PIK3AP1: variants seen among roughly 807,000 people sequenced by gnomAD.
PIK3AP1 encodes phosphoinositide-3-kinase adaptor protein 1.
PIK3AP1 carries 21 observed loss-of-function variants against 88.1 expected under a neutral mutation model. The ratio of observed to expected loss-of-function variants is 0.24; its 90% confidence interval spans 0.17 to 0.34. The LOEUF is 0.34. Among genes scored for constraint, PIK3AP1 ranks in the 10% least tolerant of loss-of-function variants. PIK3AP1 has a pLI of 1.00. For synonymous variants in PIK3AP1, 398 were observed against 400.0 expected (o/e 1.00, Z 0.06); for missense variants, 828 against 1,035.7 (o/e 0.80, Z 2.75).
At chr10:96,596,896 T>C (rs188508538) in intron 16 of PIK3AP1, among the ~76,000 whole-genome samples, 11 of 152,314 alleles carry the variant, frequency 7.2e-5, no homozygotes, top group East Asian at 5.8e-4. Flanking sequence ...TACTTGAGGA[T>C]TGATTGAATC....
Position 96,616,233 on chromosome 10 carries a change from C to T in PIK3AP1, c.2014+406G>A, listed in dbSNP as rs78713983. Among the ~76,000 whole-genome samples the T allele has an allele frequency of 1.4e-4, 21 of 152,266 alleles. No individual in the cohort carries two copies. The East Asian group carries it at 1.7e-3, about 13-fold the overall frequency. The stretch of plus-strand genomic sequence containing the variant: ...CACTGTATGGTGTGGATGCAGATGA[C>T]GCCATTGCTCACCAGAATCAGAAAT... On this transcript the variant is annotated intron_variant, in intron 13 of 16. Coordinates refer to ENST00000339364, the MANE Select transcript of PIK3AP1 (RefSeq NM_152309.3).
At chr10:96,687,100 C>A (rs995731186) in intron 2 of PIK3AP1, among the ~76,000 whole-genome samples, 2 of 151,446 alleles carry the variant, frequency 1.3e-5, no homozygotes, top group Non-Finnish European at 2.9e-5. Context: ...ACTAAAAATA[C>A]AAAAAATTAG....
At chr10:96,615,186 G>A (rs1849193474) in intron 13 of PIK3AP1, among the ~76,000 whole-genome samples, 1 of 152,140 alleles carries the variant, frequency 6.6e-6, no homozygotes, top group Admixed American at 6.5e-5. Flanking sequence ...AGGAGTCCAG[G>A]GACTGCAGCA....
intron 2 of PIK3AP1, among the ~76,000 whole-genome samples, chr10:96,673,590 C>T (rs995767682): frequency 6.6e-6 from 1 of 152,172 alleles, no homozygotes; most frequent in Non-Finnish European, 1.5e-5. Context: ...AATGGCACAA[C>T]GCAGGCTTGT....
At chr10:96,676,669 T>G (rs977202812) in intron 2 of PIK3AP1, among the ~76,000 whole-genome samples, 6 of 151,802 alleles carry the variant, frequency 4.0e-5, no homozygotes, top group Non-Finnish European at 8.8e-5. Flanking sequence ...TTTTTTTTTT[T>G]TTTGAAAGAA....
chr10:96,628,886 A>C (rs1843193096), intron 8 of PIK3AP1, among the ~76,000 whole-genome samples: 2 of 31,972 alleles, frequency 6.3e-5, no homozygotes, highest in African/African-American at 2.7e-4. Context: ...ATATATATAT[A>C]TACATATATA....
At chr10:96,660,057 C>G (rs1478844156) in intron 2 of PIK3AP1, among the ~76,000 whole-genome samples, 2 of 151,864 alleles carry the variant, frequency 1.3e-5, no homozygotes, top group Non-Finnish European at 2.9e-5. Context: ...CAATTGAATA[C>G]AAGAGATGGT....
chr10:96,628,883 T>TACAC (rs1564961177), intron 8 of PIK3AP1, among the ~76,000 whole-genome samples: 1,008 of 12,770 alleles, frequency 0.079, 77 homozygotes, highest in Middle Eastern at 0.21. Context: ...CACATATATA[T>TACAC]ATATACATAT....
chr10:96,633,565 A>G (rs1843274593), intron 8 of PIK3AP1, among the ~76,000 whole-genome samples: 1 of 152,204 alleles, frequency 6.6e-6, no homozygotes, highest in Non-Finnish European at 1.5e-5. Flanking sequence ...AGCTACTATT[A>G]TTACTATTAT....
At chr10:96,670,399 G>C (rs1843829256) in intron 2 of PIK3AP1, among the ~76,000 whole-genome samples, 1 of 152,048 alleles carries the variant, frequency 6.6e-6, no homozygotes, top group Non-Finnish European at 1.5e-5. Context: ...ATTTATCAAT[G>C]AATAATAAAT....
intron 8 of PIK3AP1, among the ~76,000 whole-genome samples, chr10:96,642,271 A>G (rs1843399287): frequency 6.6e-6 from 1 of 152,068 alleles, no homozygotes; most frequent in Non-Finnish European, 1.5e-5. Context: ...TGAAAAATAC[A>G]AAAAATTAAC....
chr10:96,676,907 C>G (rs548069623), intron 2 of PIK3AP1, among the ~76,000 whole-genome samples: 1 of 152,088 alleles, frequency 6.6e-6, no homozygotes, highest in Non-Finnish European at 1.5e-5. Flanking sequence ...GGCACAGACT[C>G]AAGGACGGAC....
At chr10:96,702,845 T>A (rs1268065642) in intron 2 of PIK3AP1, among the ~76,000 whole-genome samples, 1 of 152,304 alleles carries the variant, frequency 6.6e-6, no homozygotes, top group African/African-American at 2.4e-5. Flanking sequence ...TGGAATCTAT[T>A]TGATTAGCTG....
intron 7 of PIK3AP1, among the ~76,000 whole-genome samples, chr10:96,646,290 C>T (rs1231046734): frequency 1.3e-5 from 2 of 151,994 alleles, no homozygotes; most frequent in Non-Finnish European, 2.9e-5. Context: ...CCGTGAGCAC[C>T]TTTTAAATGT....
chr10:96,660,945 GA>G (rs1203570904), intron 2 of PIK3AP1, among the ~76,000 whole-genome samples: 1 of 152,206 alleles, frequency 6.6e-6, no homozygotes, highest in Admixed American at 6.5e-5. Context: ...AGCACTTTGG[GA>G]GGCCAAGGTA....
chr10:96,653,133 G>T (rs528031346), intron 3 of PIK3AP1, among the ~76,000 whole-genome samples: 1 of 151,984 alleles, frequency 6.6e-6, no homozygotes, highest in Non-Finnish European at 1.5e-5. Context: ...TTAGCTGGGC[G>T]CGGTGGCTCA....
At chr10:96,616,609 C>T (rs1344875529) in intron 13 of PIK3AP1, 30 bp downstream of exon 13, 4 of 1,608,500 alleles carry the variant, frequency 2.5e-6, no homozygotes, top group African/African-American at 2.7e-5. Context: ...CAATGTCCCA[C>T]ACAATGCAGC....
intron 13 of PIK3AP1, among the ~76,000 whole-genome samples, chr10:96,613,629 A>G (rs1275516258): frequency 1.3e-5 from 2 of 152,172 alleles, no homozygotes; most frequent in Non-Finnish European, 2.9e-5. Flanking sequence ...TCTTTTGGAA[A>G]AATGTAGACA....
intron 2 of PIK3AP1, among the ~76,000 whole-genome samples, chr10:96,664,377 C>T (rs1843733237): frequency 6.6e-6 from 1 of 152,160 alleles, no homozygotes; most frequent in African/African-American, 2.4e-5. Context: ...CTTCTTTCCT[C>T]TCTCCCTCCC....
Sources: gnomAD v4.1 joint callset for allele counts (sites outside exome capture counted in the v4.1 genomes callset) on GRCh38, gnomAD v4.1.1 for gene constraint, MANE v1.5 for transcripts, NCBI Gene and HGNC (gene_info 2026-07-23, HGNC 2026-07-21) for gene names.